Variants in WASF3 observed in about 807,000 individuals in gnomAD.
WASF3 encodes the protein actin-binding protein WASF3.
A neutral mutation model predicts 46.6 loss-of-function variants in WASF3; 11 were observed. That is an observed-to-expected ratio of 0.24 (90% CI 0.15 to 0.39). The LOEUF (loss-of-function observed/expected upper bound fraction) is 0.39. WASF3 is among the 10% of genes least tolerant of loss of function. The pLI, the probability that WASF3 is intolerant of heterozygous loss-of-function variation, is 1.00. For synonymous variants in WASF3, 242 were observed against 259.7 expected (o/e 0.93, Z 0.65); for missense variants, 576 against 669.8 (o/e 0.86, Z 1.55).
chr13:26,627,434 C>T (rs1237099838), intron 2 of WASF3, among the ~76,000 whole-genome samples: 1 of 151,970 alleles, frequency 6.6e-6, no homozygotes, highest in Non-Finnish European at 1.5e-5. Flanking sequence ...ATTGTCTACC[C>T]CATTTCCTGT....
chr13:26,629,560 C>G (rs1404732820), intron 2 of WASF3, among the ~76,000 whole-genome samples: 2 of 152,168 alleles, frequency 1.3e-5, no homozygotes, highest in Non-Finnish European at 2.9e-5. Context: ...CTGAGCTGAT[C>G]CGTCTGAAAA....
rs1375199468 is a variant in WASF3 at position 26,679,184 on chromosome 13, C to T, written c.717-1870C>T. 6.6e-6 allele frequency among the ~76,000 whole-genome samples: 1 copy of T among 152,164 alleles called. No homozygotes were observed. The highest frequency in any genetic ancestry group is 1.5e-5 in the Non-Finnish European group (1 of 68,028). ...GGATCTCCACTCACCTCCACCTTGG[C>T]CGTGCGTCTGCAGCTGGTTTCTGCC... On this transcript the variant is annotated intron_variant, in intron 7 of 9. Coordinates refer to ENST00000335327, the MANE Select transcript of WASF3 (RefSeq NM_006646.6). The surrounding 1 kb of genome is among the most constrained non-coding windows in gnomAD (Gnocchi z 4.8).
At chr13:26,557,445 G>A (rs1399710191), upstream of WASF3, among the ~76,000 whole-genome samples, 1 of 152,228 alleles carries the variant, frequency 6.6e-6, no homozygotes, top group Non-Finnish European at 1.5e-5. Flanking sequence ...TGGAAAGGAC[G>A]CTGCCTAAGC....
At chr13:26,542,573 C>T in the WASF3 span, among the ~76,000 whole-genome samples, 1 of 152,188 alleles carries the variant, frequency 6.6e-6, no homozygotes, top group African/African-American at 2.4e-5. Context: ...TTTTGTATTA[C>T]ATTTGCCAGA....
chr13:26,665,200 G>A, intron 4 of WASF3, 38 bp downstream of exon 4: 1 of 1,605,944 alleles, frequency 6.2e-7, no homozygotes, highest in Non-Finnish European at 8.5e-7. Flanking sequence ...TAGAAGTGAT[G>A]TTGACAAGAT....
At chr13:26,557,974 G>C (rs2061652634) in intron 1 of WASF3, among the ~76,000 whole-genome samples, 155 bp downstream of exon 1, 1 of 150,386 alleles carries the variant, frequency 6.6e-6, no homozygotes, top group African/African-American at 2.4e-5. Flanking sequence ...GGCCCACTGC[G>C]GGCTGCGGCG....
chr13:26,553,814 C>A (rs1446348369), upstream of WASF3, among the ~76,000 whole-genome samples: 38 of 116,378 alleles, frequency 3.3e-4, 1 homozygote, highest in East Asian at 8.8e-3. Flanking sequence ...GAGACTCCAT[C>A]TCAAAAAAAA....
chr13:26,685,578 C>G lies in WASF3; in HGVS notation c.1352-110C>G. The G allele has an allele frequency of 2.3e-6, 3 of 1,324,406 alleles. No individual in the cohort carries two copies. The South Asian group carries it at 4.9e-5, about 21-fold the overall frequency. 82.0% of individuals were successfully genotyped at this position (1,324,406 alleles called of 1,614,324 possible). A position where few individuals can be genotyped will look rare whatever the true frequency, so the allele number is the denominator to read the frequency against. On this transcript the variant is annotated intron_variant, in intron 9 of 9. Transcript: ENST00000335327. ...TCTCCCCTCAAATTTCTAAAACTTT[C>G]TGTCCTTAGTGTCAGTAGAAAAAAA...
Position 26,605,276 on chromosome 13 carries a change from G to A in WASF3, c.-108-7685G>A, listed in dbSNP as rs1053292728. ...TCAGCAGTCTTTGCTCAAGCTGGAAGCCTTGTTTTATCATGAGAAAGTTAT... is the reference window on the plus strand; with the variant it reads ...TCAGCAGTCTTTGCTCAAGCTGGAAACCTTGTTTTATCATGAGAAAGTTAT... On this transcript the variant is annotated intron_variant, in intron 1 of 9. Coordinates refer to ENST00000335327, the MANE Select transcript of WASF3 (RefSeq NM_006646.6). Among the ~76,000 whole-genome samples the A allele has an allele frequency of 9.2e-5, 14 of 152,340 alleles. 1 individual carries two copies. The highest frequency in any genetic ancestry group is 3.3e-4 in the Admixed American group (5 of 15,300).
rs563079813 is a variant in WASF3, at chr13:26,634,786, C to T, written c.-10-7475C>T. Among the ~76,000 whole-genome samples, 9 of 152,232 alleles carry T rather than the reference C, an allele frequency of 5.9e-5. No homozygotes were observed. The South Asian group carries it at 1.2e-3, about 21-fold the overall frequency. On this transcript the variant is annotated intron_variant, in intron 2 of 9. Transcript: ENST00000335327. ...GATATGAAATTCTGGGTTGAAAATT[C>T]TTTTCTTTAAGAAGGTTGAATATTG... is the stretch of plus-strand genomic sequence containing the variant.
intron 3 of WASF3, among the ~76,000 whole-genome samples, chr13:26,653,106 T>C (rs1477016810): frequency 6.6e-6 from 1 of 152,170 alleles, no homozygotes; most frequent in African/African-American, 2.4e-5. Context: ...TGCACGCTGA[T>C]AGGCTCTGCA....
At chr13:26,639,206 G>A (rs185567568) in intron 2 of WASF3, among the ~76,000 whole-genome samples, 7 of 152,316 alleles carry the variant, frequency 4.6e-5, no homozygotes, top group East Asian at 1.9e-4. Flanking sequence ...CTGCAAAGCC[G>A]TCTTTTCTGA....
intron 1 of WASF3, among the ~76,000 whole-genome samples, chr13:26,575,828 A>G (rs1391827333): frequency 6.6e-6 from 1 of 151,640 alleles, no homozygotes; most frequent in Non-Finnish European, 1.5e-5. Context: ...ATTCTCTGAT[A>G]TCATTCTGTG....
chr13:26,635,046 T>A (rs1300820536), intron 2 of WASF3, among the ~76,000 whole-genome samples: 4 of 152,224 alleles, frequency 2.6e-5, no homozygotes, highest in Non-Finnish European at 5.9e-5. Flanking sequence ...CTTGCTAGGT[T>A]GGGGAAGTTC....
chr13:26,587,459 A>G (rs1423341050), intron 1 of WASF3, among the ~76,000 whole-genome samples: 3 of 152,164 alleles, frequency 2.0e-5, no homozygotes, highest in Non-Finnish European at 2.9e-5. Flanking sequence ...GTGTTTTGAA[A>G]GGAAGCATAT....
intron 1 of WASF3, among the ~76,000 whole-genome samples, chr13:26,583,278 A>G (rs1880036917): frequency 6.6e-6 from 1 of 152,234 alleles, no homozygotes; most frequent in African/African-American, 2.4e-5. Flanking sequence ...GGAGCAAGCA[A>G]GGACAGAAAA....
At chr13:26,598,838 G>A (rs1288046166) in intron 1 of WASF3, among the ~76,000 whole-genome samples, 1 of 152,134 alleles carries the variant, frequency 6.6e-6, no homozygotes, top group Non-Finnish European at 1.5e-5. Flanking sequence ...TCCTCAGAAG[G>A]TATCTCTTTG....
At chr13:26,539,816 T>C in the WASF3 span, among the ~76,000 whole-genome samples, 1 of 152,202 alleles carries the variant, frequency 6.6e-6, no homozygotes, top group African/African-American at 2.4e-5. Context: ...TTGGCTTCTG[T>C]AGTTTGCTTG....
At chr13:26,646,542 C>G (rs1269425675) in intron 3 of WASF3, among the ~76,000 whole-genome samples, 1 of 152,174 alleles carries the variant, frequency 6.6e-6, no homozygotes, top group Non-Finnish European at 1.5e-5. Flanking sequence ...TCACTCCCCT[C>G]CCACCCTTAC....
Sources: allele counts gnomAD v4.1 joint callset (sites outside exome capture counted in the v4.1 genomes callset), GRCh38; gene constraint gnomAD v4.1.1; non-coding constraint Gnocchi (gnomAD v3.1); transcripts MANE v1.5; gene names NCBI Gene and HGNC (gene_info 2026-07-23, HGNC 2026-07-21).